DIAPH3: variants seen among roughly 807,000 people sequenced by gnomAD.
DIAPH3 encodes protein diaphanous homolog 3.
Under a neutral mutation model 144.3 loss-of-function variants are expected in DIAPH3, and 117 were observed. The ratio of observed to expected loss-of-function variants is 0.81; its 90% CI spans 0.70 to 0.95. The LOEUF is 0.95. DIAPH3 is among the 40% of genes least tolerant of loss of function. The probability of loss-of-function intolerance (pLI) is 0.00; values close to 1 mark genes in which losing one functional copy is unlikely to be tolerated. For synonymous variants in DIAPH3, 519 were observed against 488.9 expected (o/e 1.06, Z -0.81); for missense variants, 1,421 against 1,412.7 (o/e 1.01, Z -0.09).
intron 27 of DIAPH3, among the ~76,000 whole-genome samples, chr13:59,670,690 G>C (rs1451016993): frequency 2.3e-4 from 34 of 150,678 alleles, no homozygotes; most frequent in Non-Finnish European, 4.4e-4. Flanking sequence ...TCACGCCATT[G>C]TCTTCCCTCA....
intron 22 of DIAPH3, among the ~76,000 whole-genome samples, chr13:59,857,546 G>A (rs1221606657): frequency 1.3e-5 from 2 of 152,094 alleles, no homozygotes; most frequent in Non-Finnish European, 2.9e-5. Context: ...AATTAAAAAT[G>A]AGTTAACATT....
chr13:60,083,868 C>T (rs945022129), intron 4 of DIAPH3, among the ~76,000 whole-genome samples: 1 of 151,910 alleles, frequency 6.6e-6, no homozygotes, highest in African/African-American at 2.4e-5. Context: ...CACTACTGCA[C>T]TCCAGCCTGG....
intron 19 of DIAPH3, among the ~76,000 whole-genome samples, chr13:59,914,033 G>A (rs1032151935): frequency 6.6e-6 from 1 of 151,680 alleles, no homozygotes; most frequent in Non-Finnish European, 1.5e-5. Context: ...ATAAAATAAA[G>A]TATATGAAAA....
In DIAPH3 at chr13:59,665,805, C is replaced by G. The variant is rs748969322; in HGVS notation, c.*779G>C. Reference sequence around the variant, plus strand: ...TGTTACTTTGGAAATTTCAAAATGGCAATTTTATCTCAGAGTCATAATTAC... The same window carrying G: ...TGTTACTTTGGAAATTTCAAAATGGGAATTTTATCTCAGAGTCATAATTAC... On this transcript the variant is annotated 3_prime_UTR_variant, in exon 28 of 28. Transcript: ENST00000400324. 6.6e-6 allele frequency: 1 copy of G among 152,532 alleles called. No individual in the cohort carries two copies. The highest frequency in any genetic ancestry group is 1.5e-5 in the Non-Finnish European group (1 of 68,018). 9.4% of individuals were successfully genotyped at this position (152,532 alleles called of 1,614,324 possible). A position where few individuals can be genotyped will look rare whatever the true frequency, so the allele number is the denominator to read the frequency against.
chr13:59,700,336 G>A (rs963792962), intron 27 of DIAPH3, among the ~76,000 whole-genome samples: 3 of 152,080 alleles, frequency 2.0e-5, no homozygotes, highest in African/African-American at 7.2e-5. Flanking sequence ...GGAGGACTCT[G>A]GAATAGAGGG....
rs78081594 is a variant in DIAPH3 at position 60,007,169 on chromosome 13, A to G, written c.1014+1375T>C. ...GGGGTTCAAGTGATTCTCCTGTTTT[A>G]GCCTCCTGAGTAGCTGGGATTACAG... On this transcript the variant is annotated intron_variant, in intron 9 of 27. Coordinates refer to ENST00000400324, the MANE Select transcript of DIAPH3 (RefSeq NM_001042517.2). 1.6e-3 allele frequency among the ~76,000 whole-genome samples: 249 copies of G among 151,226 alleles called. 4 individuals carry two copies. In the East Asian group the frequency reaches 0.046, roughly 28 times the overall value.
At chr13:59,829,538 T>C (rs894151206) in intron 24 of DIAPH3, among the ~76,000 whole-genome samples, 47 of 151,904 alleles carry the variant, frequency 3.1e-4, no homozygotes, top group African/African-American at 1.1e-3. Flanking sequence ...CACATTTAGT[T>C]GCTACTATAA....
intron 2 of DIAPH3, among the ~76,000 whole-genome samples, chr13:60,120,115 T>A (rs2058808804): frequency 6.6e-6 from 1 of 152,174 alleles, no homozygotes; most frequent in African/African-American, 2.4e-5. Flanking sequence ...TGGGGAAAAG[T>A]ACCTTGAGAG....
At chr13:59,933,207 G>A (rs867357041) in intron 17 of DIAPH3, among the ~76,000 whole-genome samples, 2 of 152,306 alleles carry the variant, frequency 1.3e-5, no homozygotes, top group South Asian at 2.1e-4. Context: ...CCTCTGTCTG[G>A]GAACTCAGGC....
chr13:60,074,519 T>TA (rs922676424), intron 4 of DIAPH3, among the ~76,000 whole-genome samples: 1 of 152,190 alleles, frequency 6.6e-6, no homozygotes, highest in African/African-American at 2.4e-5. Flanking sequence ...TATCCTGAGA[T>TA]ATGCAAAAAT....
intron 27 of DIAPH3, among the ~76,000 whole-genome samples, chr13:59,694,200 T>C (rs772957370): frequency 2.0e-5 from 3 of 152,086 alleles, no homozygotes; most frequent in African/African-American, 4.8e-5. Flanking sequence ...TAAAATGAAA[T>C]AGGAGACTGG....
intron 4 of DIAPH3, among the ~76,000 whole-genome samples, chr13:60,063,595 G>A (rs1043064205): frequency 4.6e-5 from 7 of 152,054 alleles, no homozygotes; most frequent in Admixed American, 2.6e-4. Flanking sequence ...CTTGATCCAT[G>A]GGATGCAGAA....
At chr13:60,132,380 T>C (rs1267075658) in intron 2 of DIAPH3, among the ~76,000 whole-genome samples, 1 of 152,180 alleles carries the variant, frequency 6.6e-6, no homozygotes, top group Non-Finnish European at 1.5e-5. Flanking sequence ...GTTGTTGTTC[T>C]TCTTGTTATT....
At chr13:59,784,669 G>A (rs1354182173) in intron 25 of DIAPH3, among the ~76,000 whole-genome samples, 1 of 152,064 alleles carries the variant, frequency 6.6e-6, no homozygotes, top group African/African-American at 2.4e-5. Flanking sequence ...GAGCCACCAC[G>A]CCCAGTGACA....
chr13:60,111,714 C>T (rs1364800103), intron 3 of DIAPH3, among the ~76,000 whole-genome samples: 1 of 152,164 alleles, frequency 6.6e-6, no homozygotes, highest in Non-Finnish European at 1.5e-5. Flanking sequence ...GTCCCTGGTG[C>T]CAAAAAGGTT....
chr13:59,827,658 G>A (rs917526500), intron 24 of DIAPH3, among the ~76,000 whole-genome samples: 18 of 151,934 alleles, frequency 1.2e-4, no homozygotes, highest in East Asian at 3.9e-4. Flanking sequence ...GCTTCCACCC[G>A]TACCAATTAG....
chr13:59,839,648 C>T lies in DIAPH3; in HGVS notation c.2738-200G>A, dbSNP rs987815195. 3.9e-5 allele frequency among the ~76,000 whole-genome samples: 6 copies of T among 152,114 alleles called. No individual in the cohort carries two copies. In the South Asian group the frequency reaches 6.2e-4, roughly 16 times the overall value. On this transcript the variant is annotated intron_variant, in intron 22 of 27. Coordinates refer to ENST00000400324, the MANE Select transcript of DIAPH3 (RefSeq NM_001042517.2). ...AAATTCAGTAAGACAGTCTTTAAAA[C>T]GTAAGACAAAATTTAAGAAATGCTC...
chr13:59,908,097 G>A (rs1223914277), intron 20 of DIAPH3, among the ~76,000 whole-genome samples: 1 of 152,034 alleles, frequency 6.6e-6, no homozygotes, highest in Non-Finnish European at 1.5e-5. Context: ...ATGGCCGGGT[G>A]CAGTGGCTCA....
chr13:59,756,356 C>T (rs1018558727), intron 27 of DIAPH3, among the ~76,000 whole-genome samples: 11 of 150,764 alleles, frequency 7.3e-5, no homozygotes, highest in African/African-American at 2.4e-4. Flanking sequence ...CTACTAATAC[C>T]TTCACTATTG....
Sources: allele counts gnomAD v4.1 joint callset (sites outside exome capture counted in the v4.1 genomes callset), GRCh38; gene constraint gnomAD v4.1.1; transcripts MANE v1.5; gene names NCBI Gene and HGNC (gene_info 2026-07-23, HGNC 2026-07-21).